The following DIS3 variants were observed in gnomAD, a reference collection of about 807,000 sequenced individuals.
DIS3 encodes the protein DIS3 exosome endoribonuclease and 3'-5' exoribonuclease.
In DIS3, 103 loss-of-function variants were observed where a neutral mutation model predicts 113.0. The ratio of observed to expected loss-of-function variants is 0.91; its 90% confidence interval spans 0.78 to 1.07. The LOEUF (loss-of-function observed/expected upper bound fraction) is 1.07, where lower values mean the gene tolerates loss of function less well. Among genes scored for constraint, DIS3 ranks in the 50% least tolerant of loss-of-function variants. The pLI, the probability that DIS3 is intolerant of heterozygous loss-of-function variation, is 0.00. For missense variants in DIS3, 1,121 were observed against 1,167.1 expected, an observed-to-expected ratio of 0.96 and a Z score of 0.58; for synonymous variants, 402 against 394.3, an observed-to-expected ratio of 1.02 and a Z score of -0.23.
intron 5 of DIS3, 126 bp downstream of exon 5, chr13:72,775,799 G>C (rs940518028): frequency 1.1e-5 from 9 of 826,492 alleles, no homozygotes; most frequent in Non-Finnish European, 1.6e-5. Context: ...AAAGAAAAAA[G>C]TTACTATTTG....
chr13:72,759,957 T>G (rs1324248084), intron 20 of DIS3, 79 bp from the exon 21 acceptor site: 2 of 1,142,166 alleles, frequency 1.8e-6, no homozygotes, highest in African/African-American at 3.1e-5. Flanking sequence ...CCTTCCCCAC[T>G]GCCAGCTTCA....
At chr13:72,780,521 A>G (rs2034150669) in intron 2 of DIS3, among the ~76,000 whole-genome samples, 1 of 152,096 alleles carries the variant, frequency 6.6e-6, no homozygotes, top group Non-Finnish European at 1.5e-5. Context: ...ATGGTATTCC[A>G]GGAACTTAAG....
intron 20 of DIS3, among the ~76,000 whole-genome samples, chr13:72,760,110 A>AAG (rs1696268682): frequency 6.6e-6 from 1 of 152,138 alleles, no homozygotes; most frequent in Admixed American, 6.6e-5. Flanking sequence ...GTCATTTAGG[A>AAG]AGTGTTCTTT....
chr13:72,778,164 A>G (rs2034065896), intron 3 of DIS3, 23 bp downstream of exon 3: 3 of 1,544,936 alleles, frequency 1.9e-6, no homozygotes, highest in Admixed American at 1.7e-5. Context: ...ACATGCACTA[A>G]GTACTTCTAC....
rs2138221474 is a variant in DIS3, at chr13:72,775,305, G to T, written c.893C>A (p.Pro298His). Reference sequence around the variant, plus strand: ...AGATGGTGCTACCCACTGACTCTTGGGGAGAAGCTCCACAGCCACAATATC... The same window carrying T: ...AGATGGTGCTACCCACTGACTCTTGTGGAGAAGCTCCACAGCCACAATATC... ...HEDIVAVELL[P>H]KSQWVAPSSV... is the part of the protein sequence containing the mutation. Residue 298 changes from proline (P) to histidine (H), a missense_variant, in exon 6 of 21, where the codon CCC becomes CAC. Pro to His is a moderately conservative substitution (Grantham distance 77, BLOSUM62 -2). This residue lies in a region of DIS3 where 861 missense variants were observed against 915.5 expected (regional missense o/e 0.94). Coordinates refer to ENST00000377767, the MANE Select transcript of DIS3 (RefSeq NM_014953.5). 6.2e-7 allele frequency: 1 copy of T among 1,613,538 alleles called. No individual in the cohort carries two copies. Among genetic ancestry groups the T allele is most frequent in the African/African-American group, 1.3e-5 (1 of 74,980 alleles).
chr13:72,759,013 T>C lies in DIS3; in HGVS notation c.*782A>G, dbSNP rs1361001731. 1 of 178,674 alleles carries C rather than the reference T, an allele frequency of 5.6e-6. No homozygotes were observed. Among genetic ancestry groups the C allele is most frequent in the Non-Finnish European group, 1.2e-5 (1 of 83,490 alleles). The allele number at this position is 178,674 out of a possible 1,614,324, so 11.1% of individuals were successfully genotyped here. ...TTAGTATGTCTTTATACAGTTCCCC[T>C]CGTGTATATACACTGATATAACTAC... On this transcript the variant is annotated 3_prime_UTR_variant, in exon 21 of 21. Transcript: ENST00000377767.
At chr13:72,777,610 G>T in intron 3 of DIS3, 117 bp from the exon 4 acceptor site, 1 of 850,062 alleles carries the variant, frequency 1.2e-6, no homozygotes, top group Non-Finnish European at 1.9e-6. Flanking sequence ...GAGACACACT[G>T]AGAGTCTCAC....
rs761485507 is a variant in DIS3 at position 72,778,332 on chromosome 13, A to G, written c.435T>C (p.Asn145=). ...QEQGENANDR[N]DRAIRVAAKW... Reference sequence around the variant, plus strand: ...TTGCTGCTACTCGAATCGCTCTATCATTCCTGTCATTAGCATTTTCTCCCT... The same window carrying G: ...TTGCTGCTACTCGAATCGCTCTATCGTTCCTGTCATTAGCATTTTCTCCCT... The change falls in exon 3 of 21, where the codon AAT becomes AAC. Residue 145 remains asparagine (N), a synonymous_variant. Coordinates refer to ENST00000377767, the MANE Select transcript of DIS3 (RefSeq NM_014953.5). 3 of 1,592,200 alleles carry G rather than the reference A, an allele frequency of 1.9e-6. No homozygotes were observed. The highest frequency in any genetic ancestry group is 1.7e-5 in the Admixed American group (1 of 59,884).
In DIS3 at chr13:72,753,972, A is replaced by G. The variant is rs1023574119; in HGVS notation, c.*5823T>C. The G allele has an allele frequency of 2.5e-6, 2 of 807,618 alleles. No individual in the cohort carries two copies. Among genetic ancestry groups the G allele is most frequent in the African/African-American group, 3.5e-5 (2 of 57,164 alleles). The allele number at this position is 807,618 out of a possible 1,614,324, so 50.0% of individuals were successfully genotyped here. A position where few individuals can be genotyped will look rare whatever the true frequency, so the allele number is the denominator to read the frequency against. ...TTTCTTAACATCCAATAACCTTTAA[A>G]TATTTTGGTTACTCTGAATACACAA... On this transcript the variant is annotated 3_prime_UTR_variant, in exon 21 of 21. Transcript: ENST00000377767.
chr13:72,776,721 T>C (rs953333137), intron 4 of DIS3, among the ~76,000 whole-genome samples: 1 of 152,214 alleles, frequency 6.6e-6, no homozygotes, highest in Non-Finnish European at 1.5e-5. Context: ...TATTTATATA[T>C]AAGAAAATGA....
In DIS3 at chr13:72,755,275, A is replaced by G; in HGVS notation, c.*4520T>C. 1 of 1,390,382 alleles carries G rather than the reference A, an allele frequency of 7.2e-7. No homozygotes were observed. The highest frequency in any genetic ancestry group is 1.0e-6 in the Non-Finnish European group (1 of 983,764). 86.1% of individuals were successfully genotyped at this position (1,390,382 alleles called of 1,614,324 possible). A position where few individuals can be genotyped will look rare whatever the true frequency, so the allele number is the denominator to read the frequency against. On this transcript the variant is annotated 3_prime_UTR_variant, in exon 21 of 21. Transcript: ENST00000377767. ...GAGTTCCTCGCATATATCGTTGTGC[A>G]CAGGATCAACATGATGGTGACTGGG...
In DIS3 at chr13:72,752,600, A is replaced by T. The variant is rs1160444311; in HGVS notation, c.*7195T>A. 1 of 152,230 alleles carries T rather than the reference A, an allele frequency of 6.6e-6. No individual in the cohort carries two copies. Among genetic ancestry groups the T allele is most frequent in the Non-Finnish European group, 1.5e-5 (1 of 68,040 alleles). 9.4% of individuals were successfully genotyped at this position (152,230 alleles called of 1,614,324 possible). The stretch of plus-strand genomic sequence containing the variant: ...AGCTATTGGCAGAATCTCTGGGAGC[A>T]ATCTGACATTTATATTTTTGATCAA... On this transcript the variant is annotated 3_prime_UTR_variant, in exon 21 of 21. Coordinates refer to ENST00000377767, the MANE Select transcript of DIS3 (RefSeq NM_014953.5).
chr13:72,768,396 T>C (rs1009042697), intron 14 of DIS3, among the ~76,000 whole-genome samples: 18 of 152,276 alleles, frequency 1.2e-4, no homozygotes, highest in Admixed American at 2.6e-4. Context: ...ACACCTGTAA[T>C]CCCAACACTT....
chr13:72,759,487 C>T lies in DIS3; in HGVS notation c.*308G>A, dbSNP rs2138144362. 4.0e-6 allele frequency: 1 copy of T among 252,650 alleles called. No individual in the cohort carries two copies. The highest frequency in any genetic ancestry group is 7.6e-6 in the Non-Finnish European group (1 of 132,060). 15.7% of individuals were successfully genotyped at this position (252,650 alleles called of 1,614,324 possible). A position where few individuals can be genotyped will look rare whatever the true frequency, so the allele number is the denominator to read the frequency against. ...AAAGTACTTACGCAAAATTAATCTG[C>T]TCCTCAATGAGATGAGCACTCCATT... is the stretch of plus-strand genomic sequence containing the variant. On this transcript the variant is annotated 3_prime_UTR_variant, in exon 21 of 21. Transcript: ENST00000377767.
rs754973604 is a variant in DIS3 at position 72,758,765 on chromosome 13, T to C, written c.*1030A>G. The C allele has an allele frequency of 4.4e-5, 9 of 203,702 alleles. No homozygotes were observed. The highest frequency in any genetic ancestry group is 8.1e-5 in the Non-Finnish European group (8 of 99,278). The allele number at this position is 203,702 out of a possible 1,614,324, so 12.6% of individuals were successfully genotyped here. On this transcript the variant is annotated 3_prime_UTR_variant, in exon 21 of 21. Transcript: ENST00000377767. ...ACTTGGCAGGCTTTTCTCACTATAC[T>C]GCAAGCTCCTTGAAGGCAGAGATAA...
Position 72,753,594 on chromosome 13 carries a change from C to A in DIS3, c.*6201G>T. ...ATCAATATTACATGTTAGGATCATT[C>A]AGATGTAGTGAATGAGAGTTTATAG... On this transcript the variant is annotated 3_prime_UTR_variant, in exon 21 of 21. Coordinates refer to ENST00000377767, the MANE Select transcript of DIS3 (RefSeq NM_014953.5). The A allele has an allele frequency of 8.0e-7, 1 of 1,254,254 alleles. No individual in the cohort carries two copies. The highest frequency in any genetic ancestry group is 1.1e-6 in the Non-Finnish European group (1 of 897,970). The allele number at this position is 1,254,254 out of a possible 1,614,324, so 77.7% of individuals were successfully genotyped here. A position where few individuals can be genotyped will look rare whatever the true frequency, so the allele number is the denominator to read the frequency against.
chr13:72,771,002 T>C lies in DIS3; in HGVS notation c.1671-14A>G. The C allele has an allele frequency of 6.2e-7, 1 of 1,607,854 alleles. No homozygotes were observed. The highest frequency in any genetic ancestry group is 1.1e-5 in the South Asian group (1 of 89,666). ...GAAAATGCCAGCCTGTGAAGGAAAA[T>C]ACAGAGTATTTGTTAATGGGAATCA... is the stretch of plus-strand genomic sequence containing the variant. On this transcript the variant is annotated splice_polypyrimidine_tract_variant and intron_variant, in intron 12 of 20. Coordinates refer to ENST00000377767, the MANE Select transcript of DIS3 (RefSeq NM_014953.5).
At chr13:72,773,657 C>A (rs1007113528) in intron 8 of DIS3, 27 bp downstream of exon 8, 1 of 1,587,684 alleles carries the variant, frequency 6.3e-7, no homozygotes, top group African/African-American at 1.4e-5. Flanking sequence ...TAAACATCCC[C>A]ACATAAAATT....
chr13:72,775,788 A>AG (rs1432670669), intron 5 of DIS3, 137 bp downstream of exon 5: 1 of 822,220 alleles, frequency 1.2e-6, no homozygotes, highest in African/African-American at 1.8e-5. Context: ...TGCAAAAAAA[A>AG]AAAGAAAAAA....
Sources: gnomAD v4.1 joint callset for allele counts (sites outside exome capture counted in the v4.1 genomes callset) on GRCh38, gnomAD v4.1.1 for gene constraint, gnomAD v4.1.1 regional missense constraint, MANE v1.5 for transcripts, NCBI Gene and HGNC (gene_info 2026-07-23, HGNC 2026-07-21) for gene names.